The following ANKS1B variants were observed in gnomAD, a reference collection of about 807,000 sequenced individuals.
ANKS1B encodes the protein ankyrin repeat and sterile alpha motif domain containing 1B.
In ANKS1B, 36 loss-of-function variants were observed where a neutral mutation model predicts 148.3. The observed-to-expected ratio is 0.24, with a 90% CI of 0.19 to 0.32. The LOEUF is 0.32. Ranked by LOEUF, ANKS1B falls within the 10% of genes least tolerant of loss-of-function variation. The pLI, the probability that ANKS1B is intolerant of heterozygous loss-of-function variation, is 1.00. For missense variants in ANKS1B, 1,157 were observed against 1,542.6 expected, an observed-to-expected ratio of 0.75 and a Z score of 4.19; for synonymous variants, 542 against 560.8, an observed-to-expected ratio of 0.97 and a Z score of 0.47.
At chr12:99,100,063 C>T (rs2057495253) in intron 15 of ANKS1B, among the ~76,000 whole-genome samples, 1 of 152,188 alleles carries the variant, frequency 6.6e-6, no homozygotes, top group African/African-American at 2.4e-5. Context: ...AGTTAAGCAA[C>T]ATAGTTGGAC....
intron 9 of ANKS1B, among the ~76,000 whole-genome samples, chr12:99,599,843 G>T (rs2097786930): frequency 6.6e-6 from 1 of 151,996 alleles, no homozygotes; most frequent in Non-Finnish European, 1.5e-5. Context: ...TGAAAGTCTG[G>T]AGTACAAAAG....
In ANKS1B at chr12:99,102,324, C is replaced by T. The variant is rs985887834; in HGVS notation, c.2527-17301G>A. Among the ~76,000 whole-genome samples the T allele has an allele frequency of 7.2e-5, 11 of 152,238 alleles. No individual in the cohort carries two copies. The South Asian group carries it at 8.3e-4, about 11-fold the overall frequency. ...AAGGGGTGGAGACAATGAATGTAGA[C>T]GATTGTTTTGAGAAATCTGAATGAG... On this transcript the variant is annotated intron_variant, in intron 15 of 26. Coordinates refer to ENST00000683438, the MANE Select transcript of ANKS1B (RefSeq NM_001352186.2).
At chr12:99,654,350 C>T (rs560556340) in intron 9 of ANKS1B, among the ~76,000 whole-genome samples, 2 of 152,162 alleles carry the variant, frequency 1.3e-5, no homozygotes, top group African/African-American at 4.8e-5. Context: ...GCTTTTTCCA[C>T]CCACGTTCTA....
At chr12:99,066,229 G>A (rs933572764) in intron 16 of ANKS1B, among the ~76,000 whole-genome samples, 5 of 152,156 alleles carry the variant, frequency 3.3e-5, no homozygotes, top group African/African-American at 7.2e-5. Context: ...GTTGAGGCGC[G>A]AGAATTGCTT....
At chr12:99,606,961 C>T (rs1167615093) in intron 9 of ANKS1B, among the ~76,000 whole-genome samples, 3 of 152,130 alleles carry the variant, frequency 2.0e-5, no homozygotes, top group African/African-American at 7.2e-5. Flanking sequence ...TAAACATCCA[C>T]TCAGCACCCA....
intron 8 of ANKS1B, among the ~76,000 whole-genome samples, chr12:99,719,143 G>C (rs184135970): frequency 5.9e-5 from 9 of 152,100 alleles, no homozygotes; most frequent in African/African-American, 2.2e-4. Flanking sequence ...TCATGTCTGC[G>C]TGCAGCGGCT....
At chr12:99,232,378 T>C (rs4331203) in intron 14 of ANKS1B, among the ~76,000 whole-genome samples, 10,331 of 152,260 alleles carry the variant, frequency 0.068, 1,198 homozygotes, top group African/African-American at 0.24. Flanking sequence ...ATATAGTCCA[T>C]ATATCTTGCA....
intron 12 of ANKS1B, among the ~76,000 whole-genome samples, chr12:99,362,647 T>C (rs1316476083): frequency 1.3e-5 from 2 of 152,022 alleles, no homozygotes; most frequent in Admixed American, 6.6e-5. Flanking sequence ...CATTTTACTA[T>C]ATATTTATAA....
intron 17 of ANKS1B, among the ~76,000 whole-genome samples, chr12:98,922,846 A>G (rs1268108030): frequency 1.3e-5 from 2 of 152,146 alleles, no homozygotes; most frequent in African/African-American, 4.8e-5. Flanking sequence ...TTTCTGATTC[A>G]TTTGTGGACC....
intron 17 of ANKS1B, among the ~76,000 whole-genome samples, chr12:98,852,826 C>T (rs1288887774): frequency 1.3e-5 from 2 of 152,058 alleles, no homozygotes; most frequent in Non-Finnish European, 2.9e-5. Flanking sequence ...ATTTAGAAGG[C>T]TCGGGGGTGC....
At position 99,355,374 on chromosome 12, in the gene ANKS1B, C is replaced by A. The variant is rs529473179; in HGVS notation, c.1756+44257G>T. Among the ~76,000 whole-genome samples, 53 of 152,286 alleles carry A rather than the reference C, an allele frequency of 3.5e-4. No individual in the cohort carries two copies. The South Asian group carries it at 0.01, about 30-fold the overall frequency. ...TCAGATCTGCAATTTGAAGTATTTG[C>A]AGTCTTATTCATTGTTTTCCTGCCA... On this transcript the variant is annotated intron_variant, in intron 12 of 26. Transcript: ENST00000683438.
chr12:99,660,579 T>G (rs2098472498), intron 8 of ANKS1B, among the ~76,000 whole-genome samples: 2 of 151,996 alleles, frequency 1.3e-5, no homozygotes, highest in Admixed American at 1.3e-4. Context: ...GCCAAGCTGG[T>G]CTTGAACTCC....
intron 16 of ANKS1B, among the ~76,000 whole-genome samples, chr12:99,074,671 G>A (rs1021945617): frequency 7.2e-5 from 11 of 152,118 alleles, no homozygotes; most frequent in African/African-American, 1.7e-4. Context: ...AATGCAGGCC[G>A]CCAGTGCTGT....
intron 14 of ANKS1B, among the ~76,000 whole-genome samples, chr12:99,179,305 T>TGTA (rs1479404742): frequency 1.3e-5 from 2 of 151,758 alleles, no homozygotes; most frequent in Non-Finnish European, 1.5e-5. Context: ...GGCGGGTGCC[T>TGTA]GTAGTCCCAG....
Position 99,196,721 on chromosome 12 carries a change from C to A in ANKS1B, c.2420-42326G>T, listed in dbSNP as rs772461307. Among the ~76,000 whole-genome samples the A allele has an allele frequency of 1.8e-4, 27 of 151,694 alleles. No homozygotes were observed. In the East Asian group the frequency reaches 2.5e-3, roughly 14 times the overall value. ...CATGTGCCATGCTGGTGTGCTGCACCCATTAACTCGTCATTTAGCATTAGG... is the reference window on the plus strand; with the variant it reads ...CATGTGCCATGCTGGTGTGCTGCACACATTAACTCGTCATTTAGCATTAGG... On this transcript the variant is annotated intron_variant, in intron 14 of 26. Transcript: ENST00000683438.
intron 12 of ANKS1B, among the ~76,000 whole-genome samples, chr12:99,293,222 ACTATCATT>A (rs764480718): frequency 3.9e-4 from 59 of 152,230 alleles, no homozygotes; most frequent in Non-Finnish European, 8.1e-4. Context: ...GAAGCTGGAA[ACTATCATT>A]CTGAGCAAAC....
chr12:99,796,842 A>G (rs2066317434), intron 4 of ANKS1B, among the ~76,000 whole-genome samples: 1 of 151,990 alleles, frequency 6.6e-6, no homozygotes, highest in Non-Finnish European at 1.5e-5. Context: ...ATTCCAAGAT[A>G]AAAATGCTAT....
At chr12:99,398,402 G>A (rs533030335) in intron 12 of ANKS1B, among the ~76,000 whole-genome samples, 11 of 152,170 alleles carry the variant, frequency 7.2e-5, no homozygotes, top group Admixed American at 3.3e-4. Flanking sequence ...AGATTATATG[G>A]AATACTCACA....
intron 10 of ANKS1B, among the ~76,000 whole-genome samples, chr12:99,479,333 T>C (rs1036827596): frequency 1.1e-4 from 17 of 152,016 alleles, no homozygotes; most frequent in African/African-American, 4.1e-4. Flanking sequence ...TCTGCCCAAG[T>C]TTAAGTAAAT....
Sources: gnomAD v4.1 joint callset for allele counts (sites outside exome capture counted in the v4.1 genomes callset) on GRCh38, gnomAD v4.1.1 for gene constraint, MANE v1.5 for transcripts, NCBI Gene and HGNC (gene_info 2026-07-23, HGNC 2026-07-21) for gene names.